ASPRV1: variants seen among roughly 807,000 people sequenced by gnomAD.
ASPRV1 encodes retroviral-like aspartic protease 1.
ASPRV1 carries 7 observed loss-of-function variants against 11.0 expected under a neutral mutation model. The ratio of observed to expected loss-of-function variants is 0.64; its 90% CI spans 0.36 to 1.20. ASPRV1 has a LOEUF of 1.20. ASPRV1 is among the 50% of genes most tolerant of loss of function. The pLI is 0.02. For missense variants in ASPRV1, 299 were observed against 320.0 expected (o/e 0.93, Z 0.50); for synonymous variants, 136 against 138.4 (o/e 0.98, Z 0.12).
the ASPRV1 span, among the ~76,000 whole-genome samples, chr2:70,065,841 A>AAAAG: frequency 4.3e-5 from 6 of 139,350 alleles, no homozygotes; most frequent in African/African-American, 8.5e-5. Flanking sequence ...AAAAAAAAAA[A>AAAAG]AAAGAAAGAA....
chr2:69,977,797 T>C, the ASPRV1 span, among the ~76,000 whole-genome samples: 1 of 152,178 alleles, frequency 6.6e-6, no homozygotes, highest in Non-Finnish European at 1.5e-5. Flanking sequence ...GAATGCATCT[T>C]TGGAGGGTCA....
chr2:69,990,766 C>A, the ASPRV1 span, among the ~76,000 whole-genome samples: 2 of 152,056 alleles, frequency 1.3e-5, no homozygotes, highest in Non-Finnish European at 2.9e-5. Flanking sequence ...CCCTTTTAAC[C>A]ACTCCTCCCA....
chr2:70,071,669 G>A, the ASPRV1 span: 4 of 152,194 alleles, frequency 2.6e-5, no homozygotes, highest in African/African-American at 9.7e-5. Context: ...TTGAACCCAG[G>A]AGGTGGAGGT....
chr2:69,941,863 TACACACACAC>T, the ASPRV1 span: 4 of 144,736 alleles, frequency 2.8e-5, no homozygotes, highest in Admixed American at 1.6e-4. Flanking sequence ...TATCTATATA[TACACACACAC>T]ACACACACAC....
chr2:69,971,798 G>T, the ASPRV1 span, among the ~76,000 whole-genome samples: 1 of 152,302 alleles, frequency 6.6e-6, no homozygotes, highest in African/African-American at 2.4e-5. Context: ...GGGGAGCTTT[G>T]CTGAGGAGAA....
At chr2:69,977,073 T>A in the ASPRV1 span, among the ~76,000 whole-genome samples, 11 of 152,020 alleles carry the variant, frequency 7.2e-5, no homozygotes, top group African/African-American at 2.4e-4. Context: ...GCACCTGTAG[T>A]CCCAGCTACT....
the ASPRV1 span, among the ~76,000 whole-genome samples, chr2:70,020,503 G>A: frequency 2.6e-5 from 4 of 152,210 alleles, no homozygotes; most frequent in South Asian, 2.1e-4. Flanking sequence ...ACCACTTCGA[G>A]AGGCAGAGGT....
the ASPRV1 span, among the ~76,000 whole-genome samples, chr2:69,989,236 G>C: frequency 3.3e-5 from 5 of 152,368 alleles, no homozygotes; most frequent in South Asian, 1.0e-3. Flanking sequence ...TCTTGCCCAG[G>C]GTGGGGTATG....
the ASPRV1 span, among the ~76,000 whole-genome samples, chr2:69,977,053 A>G: frequency 6.6e-6 from 1 of 152,106 alleles, no homozygotes; most frequent in East Asian, 1.9e-4. Flanking sequence ...TTGGCCAGGC[A>G]TGGTGGCGCG....
the ASPRV1 span, among the ~76,000 whole-genome samples, chr2:70,066,815 C>G: frequency 6.6e-6 from 1 of 151,452 alleles, no homozygotes; most frequent in Non-Finnish European, 1.5e-5. Context: ...GCCTTGAACT[C>G]CTGGGCTCAA....
At chr2:70,033,631 C>T in the ASPRV1 span, among the ~76,000 whole-genome samples, 1 of 152,156 alleles carries the variant, frequency 6.6e-6, no homozygotes, top group Admixed American at 6.5e-5. Flanking sequence ...TCACTCACTA[C>T]CACCATTCTG....
chr2:70,082,849 G>A, the ASPRV1 span, among the ~76,000 whole-genome samples: 6 of 152,100 alleles, frequency 3.9e-5, no homozygotes, highest in Non-Finnish European at 8.8e-5. Context: ...AGCTACGATG[G>A]AGCCACTACA....
At chr2:69,969,897 T>A in the ASPRV1 span, among the ~76,000 whole-genome samples, 6 of 94,508 alleles carry the variant, frequency 6.3e-5, no homozygotes, top group African/African-American at 5.8e-4. Flanking sequence ...TTCTCTTAAA[T>A]TTTTTTTTTT....
the ASPRV1 span, among the ~76,000 whole-genome samples, chr2:70,072,446 G>A: frequency 6.6e-6 from 1 of 151,776 alleles, no homozygotes; most frequent in African/African-American, 2.4e-5. Flanking sequence ...CAGGTGGCTG[G>A]GCGCAGTGGC....
At chr2:69,970,270 C>T in the ASPRV1 span, among the ~76,000 whole-genome samples, 1 of 152,112 alleles carries the variant, frequency 6.6e-6, no homozygotes, top group Admixed American at 6.5e-5. Context: ...CTCCTGCCTC[C>T]TCTCCATTAA....
the ASPRV1 span, chr2:69,976,189 G>A: frequency 6.6e-6 from 1 of 152,374 alleles, no homozygotes; most frequent in Admixed American, 6.5e-5. Flanking sequence ...GGTCCGTGTA[G>A]AGGCCAGGTG....
At chr2:70,023,620 G>T in the ASPRV1 span, among the ~76,000 whole-genome samples, 38 of 150,596 alleles carry the variant, frequency 2.5e-4, no homozygotes, top group African/African-American at 8.1e-4. Context: ...GTTGCAGTGA[G>T]CCAAGAATGC....
the ASPRV1 span, among the ~76,000 whole-genome samples, chr2:70,001,806 G>C: frequency 6.6e-6 from 1 of 152,046 alleles, no homozygotes; most frequent in Non-Finnish European, 1.5e-5. Flanking sequence ...CACAGAGTCA[G>C]AATTATATAT....
the ASPRV1 span, chr2:70,069,244 C>A: frequency 6.6e-6 from 1 of 152,162 alleles, no homozygotes; most frequent in Non-Finnish European, 1.5e-5. Context: ...AAGTCCTCTT[C>A]GTAACCTGAC....
Sources: allele counts gnomAD v4.1 joint callset (sites outside exome capture counted in the v4.1 genomes callset), GRCh38; gene constraint gnomAD v4.1.1; transcripts MANE v1.5; gene names NCBI Gene and HGNC (gene_info 2026-07-23, HGNC 2026-07-21).